Variants in NIPBL observed in about 807,000 individuals in gnomAD.
NIPBL encodes the protein NIPBL cohesin loading factor.
A neutral mutation model predicts 321.8 loss-of-function variants in NIPBL; 19 were observed. The ratio of observed to expected loss-of-function variants is 0.06; its 90% CI spans 0.04 to 0.09. The LOEUF is 0.09. Among genes scored for constraint, NIPBL ranks in the 10% least tolerant of loss-of-function variants. NIPBL has a pLI of 1.00. For synonymous variants in NIPBL, 1,106 were observed against 1,114.1 expected, an observed-to-expected ratio of 0.99 and a Z score of 0.14; for missense variants, 2,210 against 3,327.0, an observed-to-expected ratio of 0.66 and a Z score of 8.26.
chr5:36,990,128 G>C (rs1745327281), intron 10 of NIPBL, among the ~76,000 whole-genome samples: 1 of 152,114 alleles, frequency 6.6e-6, no homozygotes, highest in Non-Finnish European at 1.5e-5. Context: ...AAACTGAAGA[G>C]TAAAGCAGTT....
chr5:37,064,727 G>A lies in NIPBL; in HGVS notation c.8250G>A (p.Glu2750=), dbSNP rs778802387. The A allele has an allele frequency of 1.2e-6, 2 of 1,614,194 alleles. No individual in the cohort carries two copies. The highest frequency in any genetic ancestry group is 3.3e-5 in the Admixed American group (2 of 60,016). The change falls in exon 47 of 47, where the codon GAG becomes GAA. Residue 2750 remains glutamate, a synonymous_variant. Coordinates refer to ENST00000282516, the MANE Select transcript of NIPBL (RefSeq NM_133433.4). ...GCTCCTACAGTGGCTCCTGGACTGA[G>A]GCTAAGCGCCGTGATGGCCGCAAAC... ...MAGSYSGSWT[E]AKRRDGRKLV...
In NIPBL at chr5:37,064,595, C is replaced by T. The variant is rs763443745; in HGVS notation, c.8118C>T (p.Asp2706=). The T allele has an allele frequency of 2.5e-6, 4 of 1,613,956 alleles. No homozygotes were observed. The highest frequency in any genetic ancestry group is 2.7e-5 in the African/African-American group (2 of 74,864). Residue 2706 remains aspartate (D), a synonymous_variant, in exon 47 of 47, where the codon GAC becomes GAT. Coordinates refer to ENST00000282516, the MANE Select transcript of NIPBL (RefSeq NM_133433.4). ...CAGCACAGATGAATGAAAGTGTTGA[C>T]GTCATGGATGTCATCGCTATTTGCT... is the stretch of plus-strand genomic sequence containing the variant. The part of the protein sequence containing the change: ...ELAAQMNESV[D]VMDVIAICCP...
chr5:36,944,431 G>A lies in NIPBL; in HGVS notation c.-79-9187G>A, dbSNP rs184101100. Among the ~76,000 whole-genome samples the A allele has an allele frequency of 5.5e-3, 838 of 151,928 alleles. 13 individuals carry two copies. Among genetic ancestry groups the A allele is most frequent in the African/African-American group, 0.019 (805 of 41,414 alleles). ...TATCTGAAGCATATTCCATGTTTTC[G>A]TACTAGATTGTCTTGAAGAACTGAA... On this transcript the variant is annotated intron_variant, in intron 1 of 46. Coordinates refer to ENST00000282516, the MANE Select transcript of NIPBL (RefSeq NM_133433.4).
chr5:37,052,216 A>G, intron 41 of NIPBL, 150 bp from the exon 42 acceptor site: 2 of 689,400 alleles, frequency 2.9e-6, no homozygotes, highest in South Asian at 1.9e-5. Flanking sequence ...GATAATCTCT[A>G]ATGTTCCTTC....
In NIPBL at chr5:36,985,771, A is replaced by G. The variant is rs1744712573; in HGVS notation, c.2591A>G (p.Asp864Gly). ...HGIKSDSSKT[D>G]KLERKHRHES... is the part of the protein sequence containing the mutation. ...ATTAAATCTGATAGTTCAAAAACTGATAAACTAGAACGAAAACACAGGCAT... is the reference window on the plus strand; with the variant it reads ...ATTAAATCTGATAGTTCAAAAACTGGTAAACTAGAACGAAAACACAGGCAT... Residue 864 changes from aspartate to glycine, a missense_variant, in exon 10 of 47, where the codon GAT becomes GGT. Around this residue, in one of 14 missense-constraint regions of NIPBL, gnomAD observed 588 missense variants for 564.1 expected, o/e 1.04. Transcript: ENST00000282516. 1.9e-6 allele frequency: 3 copies of G among 1,613,774 alleles called. No individual in the cohort carries two copies. Among genetic ancestry groups the G allele is most frequent in the East Asian group, 4.5e-5 (2 of 44,870 alleles).
At chr5:36,922,763 T>C (rs903152207) in intron 1 of NIPBL, among the ~76,000 whole-genome samples, 6 of 152,248 alleles carry the variant, frequency 3.9e-5, no homozygotes, top group African/African-American at 1.2e-4. Flanking sequence ...TTGATGATTT[T>C]ATGTACCATC....
chr5:37,063,664 A>C (rs1755049111), intron 45 of NIPBL, 126 bp from the exon 46 acceptor site: 8 of 898,496 alleles, frequency 8.9e-6, no homozygotes, highest in South Asian at 1.6e-5. Flanking sequence ...ACTAGCCCCT[A>C]ATTTAGATGA....
At chr5:36,888,705 G>C (rs1419125252) in intron 1 of NIPBL, among the ~76,000 whole-genome samples, 2 of 152,024 alleles carry the variant, frequency 1.3e-5, no homozygotes, top group Non-Finnish European at 2.9e-5. Context: ...TCATGGTTTT[G>C]TATAACTTTA....
At position 37,048,518 on chromosome 5, in the gene NIPBL, G is replaced by A. The variant is rs544147349; in HGVS notation, c.6606G>A (p.Gln2202=). The change falls in exon 39 of 47, where the codon CAG becomes CAA. Residue 2202 remains glutamine (Q), a synonymous_variant. Transcript: ENST00000282516. ...CTCCCATAGGATTTGCCTTTATTCA[G>A]CATCCAAGTCTAATGTTCGAGCAAG... ...AIIGLGFAFI[Q]HPSLMFEQEV... 14 of 1,577,436 alleles carry A rather than the reference G, an allele frequency of 8.9e-6. No homozygotes were observed. The East Asian group carries it at 3.0e-4, about 34-fold the overall frequency.
intron 33 of NIPBL, 26 bp downstream of exon 33, chr5:37,036,513 T>C (rs1037868246): frequency 4.2e-6 from 4 of 942,608 alleles, no homozygotes; most frequent in Middle Eastern, 3.5e-4. Context: ...TATATATTGA[T>C]CTTTAGTTGA....
intron 4 of NIPBL, among the ~76,000 whole-genome samples, chr5:36,960,906 A>G (rs1031481445): frequency 6.6e-6 from 1 of 152,142 alleles, no homozygotes; most frequent in Non-Finnish European, 1.5e-5. Flanking sequence ...GTTAATCCCT[A>G]CTATGTGACA....
intron 1 of NIPBL, among the ~76,000 whole-genome samples, chr5:36,926,663 G>A (rs1246151031): frequency 6.6e-6 from 1 of 152,126 alleles, no homozygotes; most frequent in Non-Finnish European, 1.5e-5. Context: ...AGATTCAAAG[G>A]AGAGGAATTA....
chr5:36,900,668 T>G (rs991207137), intron 1 of NIPBL, among the ~76,000 whole-genome samples: 29 of 151,814 alleles, frequency 1.9e-4, no homozygotes, highest in African/African-American at 2.2e-4. Context: ...TATGCTCGGG[T>G]TTTTTTTGTT....
Position 36,953,774 on chromosome 5 carries a change from A to G in NIPBL, c.64+14A>G. The G allele has an allele frequency of 6.3e-7, 1 of 1,597,372 alleles. No individual in the cohort carries two copies. Among genetic ancestry groups the G allele is most frequent in the Non-Finnish European group, 8.6e-7 (1 of 1,164,826 alleles). ...GTCTCACAGACCGTAAGTTTGGTTAATTTATCTAATTTAAGTTCTACTGTG... is the reference window on the plus strand; with the variant it reads ...GTCTCACAGACCGTAAGTTTGGTTAGTTTATCTAATTTAAGTTCTACTGTG... On this transcript the variant is annotated intron_variant, in intron 2 of 46. Transcript: ENST00000282516.
At chr5:37,062,842 C>A (rs1754900849) in intron 45 of NIPBL, among the ~76,000 whole-genome samples, 1 of 151,502 alleles carries the variant, frequency 6.6e-6, no homozygotes, top group Non-Finnish European at 1.5e-5. Flanking sequence ...ACCACCTAAG[C>A]CTGGGAGGTG....
At position 37,024,829 on chromosome 5, in the gene NIPBL, G is replaced by A. The variant is rs141811793; in HGVS notation, c.5709+110G>A. 5.3e-4 allele frequency: 425 copies of A among 805,518 alleles called. 3 individuals are homozygous for A. The African/African-American group carries it at 6.4e-3, about 12-fold the overall frequency. The allele number at this position is 805,518 out of a possible 1,614,324, so 49.9% of individuals were successfully genotyped here. The stretch of plus-strand genomic sequence containing the variant: ...ATATCCAAACACTTTACAATGAATC[G>A]TTTATAGTTTATAAACTTAAGAAAA... On this transcript the variant is annotated intron_variant, in intron 30 of 46. Transcript: ENST00000282516.
chr5:36,914,241 A>G (rs928349806), intron 1 of NIPBL, among the ~76,000 whole-genome samples: 2 of 152,256 alleles, frequency 1.3e-5, no homozygotes, highest in South Asian at 2.1e-4. Context: ...TGGGAAGCAC[A>G]GGTTGTTTGG....
In NIPBL at chr5:36,892,330, A is replaced by G. The variant is rs548380610; in HGVS notation, c.-80+15152A>G. On this transcript the variant is annotated intron_variant, in intron 1 of 46. Coordinates refer to ENST00000282516, the MANE Select transcript of NIPBL (RefSeq NM_133433.4). ...TGTGGAGAAATAGGAACACTTTTAC[A>G]TTGTTGTTGGGACTGTAAACTAGTT... is the stretch of plus-strand genomic sequence containing the variant. Among the ~76,000 whole-genome samples, 4 of 152,312 alleles carry G rather than the reference A, an allele frequency of 2.6e-5. No individual in the cohort carries two copies. The South Asian group carries it at 8.3e-4, about 32-fold the overall frequency.
chr5:36,896,844 C>T (rs539010191), intron 1 of NIPBL, among the ~76,000 whole-genome samples: 239 of 152,216 alleles, frequency 1.6e-3, no homozygotes, highest in African/African-American at 5.3e-3. Context: ...AAGTGATCTG[C>T]CTGCCTTAGC....
Sources: gnomAD v4.1 joint callset for allele counts (sites outside exome capture counted in the v4.1 genomes callset) on GRCh38, gnomAD v4.1.1 for gene constraint, gnomAD v4.1.1 regional missense constraint, MANE v1.5 for transcripts, NCBI Gene and HGNC (gene_info 2026-07-23, HGNC 2026-07-21) for gene names.